SYT1: variants seen among roughly 807,000 people sequenced by gnomAD.
The protein encoded by SYT1 is synaptotagmin 1.
Under a neutral mutation model 44.8 loss-of-function variants are expected in SYT1, and 8 were observed. The ratio of observed to expected loss-of-function variants is 0.18; its 90% CI spans 0.10 to 0.32. The LOEUF (loss-of-function observed/expected upper bound fraction) is 0.32. Ranked by LOEUF, SYT1 falls within the 10% of genes least tolerant of loss-of-function variation. SYT1 has a pLI of 1.00. For missense variants in SYT1, 286 were observed against 509.3 expected (o/e 0.56, Z 4.22); for synonymous variants, 154 against 188.8 (o/e 0.82, Z 1.51).
At chr12:79,250,445 C>A (rs1051925767) in intron 4 of SYT1, among the ~76,000 whole-genome samples, 1 of 152,160 alleles carries the variant, frequency 6.6e-6, no homozygotes, top group Admixed American at 6.5e-5. Flanking sequence ...TCCTTGAGTC[C>A]AGCAAGAACA....
chr12:78,974,627 G>A (rs73349595), intron 1 of SYT1, among the ~76,000 whole-genome samples: 47,884 of 151,240 alleles, frequency 0.32, 7,672 homozygotes, highest in African/African-American at 0.38. Flanking sequence ...TAGTAGAGAC[G>A]GGGTTTCACC....
At chr12:79,295,570 A>C (rs1879839653) in intron 6 of SYT1, among the ~76,000 whole-genome samples, 1 of 152,208 alleles carries the variant, frequency 6.6e-6, no homozygotes, top group South Asian at 2.1e-4. Context: ...AGAAACTAGA[A>C]GATCTTATTT....
At chr12:79,233,829 C>T (rs1876014585) in intron 4 of SYT1, among the ~76,000 whole-genome samples, 1 of 152,172 alleles carries the variant, frequency 6.6e-6, no homozygotes, top group Non-Finnish European at 1.5e-5. Flanking sequence ...ACAGTTGAGC[C>T]CTGCATAATT....
chr12:79,001,266 A>C (rs1447305861), intron 2 of SYT1, among the ~76,000 whole-genome samples: 1 of 152,030 alleles, frequency 6.6e-6, no homozygotes, highest in African/African-American at 2.4e-5. Context: ...CTTTTAAAAA[A>C]AAAAAAGCCC....
At chr12:79,274,456 C>T (rs992379520) in intron 4 of SYT1, among the ~76,000 whole-genome samples, 6 of 152,172 alleles carry the variant, frequency 3.9e-5, no homozygotes, top group Admixed American at 3.9e-4. Flanking sequence ...CCTGTGCAGA[C>T]TGTTTTGTGC....
At chr12:79,405,466 AAAAT>A (rs1335736835) in intron 9 of SYT1, among the ~76,000 whole-genome samples, 4 of 152,160 alleles carry the variant, frequency 2.6e-5, no homozygotes, top group Admixed American at 2.6e-4. Context: ...GGGAAATACA[AAAAT>A]AAATCATTAA....
intron 1 of SYT1, among the ~76,000 whole-genome samples, chr12:78,948,431 C>T (rs1484446038): frequency 6.6e-6 from 1 of 151,680 alleles, no homozygotes; most frequent in East Asian, 1.9e-4. Context: ...AGTTCATAAC[C>T]CATATTTTAA....
chr12:79,394,447 A>G (rs1369370707), intron 9 of SYT1, among the ~76,000 whole-genome samples: 2 of 152,216 alleles, frequency 1.3e-5, no homozygotes, highest in Non-Finnish European at 2.9e-5. Flanking sequence ...ACACTGATAA[A>G]GACAGATGGC....
At chr12:79,276,588 A>G (rs1467332557) in intron 4 of SYT1, among the ~76,000 whole-genome samples, 2 of 151,704 alleles carry the variant, frequency 1.3e-5, no homozygotes, top group East Asian at 3.9e-4. Context: ...AGGCAGGAGA[A>G]TCACTTGAAC....
intron 9 of SYT1, among the ~76,000 whole-genome samples, chr12:79,433,909 A>G (rs1275440572): frequency 6.6e-6 from 1 of 152,148 alleles, no homozygotes; most frequent in African/African-American, 2.4e-5. Context: ...GCCCATAACC[A>G]TGCCCCACCT....
intron 3 of SYT1, among the ~76,000 whole-genome samples, chr12:79,211,367 T>C (rs1874435089): frequency 6.6e-6 from 1 of 152,242 alleles, no homozygotes; most frequent in Admixed American, 6.5e-5. Flanking sequence ...AACATCCTTA[T>C]ATTAAATTGC....
intron 1 of SYT1, among the ~76,000 whole-genome samples, chr12:78,874,153 A>C (rs1873951326): frequency 6.6e-6 from 1 of 151,572 alleles, no homozygotes; most frequent in East Asian, 1.9e-4. Flanking sequence ...ATTTGTGCTA[A>C]TTTGTTTATA....
chr12:79,367,696 A>G (rs1487258633), intron 9 of SYT1, among the ~76,000 whole-genome samples: 3 of 152,068 alleles, frequency 2.0e-5, no homozygotes, highest in Non-Finnish European at 2.9e-5. Flanking sequence ...AAAAAAATAG[A>G]AAAACCTGGT....
chr12:78,959,143 C>T (rs1315725193), intron 1 of SYT1, among the ~76,000 whole-genome samples: 5 of 151,932 alleles, frequency 3.3e-5, no homozygotes, highest in Admixed American at 6.6e-5. Context: ...AGCTGGAATG[C>T]GCAAATGTAG....
intron 2 of SYT1, among the ~76,000 whole-genome samples, chr12:79,017,742 T>A (rs756839660): frequency 1.3e-5 from 2 of 152,070 alleles, no homozygotes; most frequent in African/African-American, 2.4e-5. Context: ...CTGTTGAAGA[T>A]TTTTGACCAG....
At chr12:79,165,143 CA>C (rs1871158468) in intron 3 of SYT1, among the ~76,000 whole-genome samples, 1 of 151,914 alleles carries the variant, frequency 6.6e-6, no homozygotes, top group African/African-American at 2.4e-5. Context: ...AGACAAGTAT[CA>C]GCTAAGCTCA....
At chr12:78,957,821 A>T (rs1208218606) in intron 1 of SYT1, among the ~76,000 whole-genome samples, 4 of 152,168 alleles carry the variant, frequency 2.6e-5, no homozygotes, top group African/African-American at 9.7e-5. Context: ...TAAATAAAGA[A>T]ATCCTACAAA....
At chr12:79,213,753 C>T (rs1388908474) in intron 3 of SYT1, among the ~76,000 whole-genome samples, 2 of 152,024 alleles carry the variant, frequency 1.3e-5, no homozygotes, top group Non-Finnish European at 2.9e-5. Flanking sequence ...GGTGAAACTC[C>T]GTCTCTACTG....
chr12:79,049,557 A>G (rs1009890887), intron 3 of SYT1, among the ~76,000 whole-genome samples: 2 of 152,164 alleles, frequency 1.3e-5, no homozygotes, highest in African/African-American at 4.8e-5. Flanking sequence ...TCTGACTTAA[A>G]TGACATTGTC....
Sources: gnomAD v4.1 joint callset for allele counts (sites outside exome capture counted in the v4.1 genomes callset) on GRCh38, gnomAD v4.1.1 for gene constraint, MANE v1.5 for transcripts, NCBI Gene and HGNC (gene_info 2026-07-23, HGNC 2026-07-21) for gene names.